The following DGKI variants were observed in gnomAD, a reference collection of about 807,000 sequenced individuals.
DGKI encodes diacylglycerol kinase iota.
Under a neutral mutation model 147.5 loss-of-function variants are expected in DGKI, and 55 were observed. The observed-to-expected ratio is 0.37, with a 90% CI of 0.30 to 0.47. DGKI has a LOEUF of 0.47. DGKI is among the 20% of genes least tolerant of loss of function. The probability of loss-of-function intolerance (pLI) is 1.00; values close to 1 mark genes in which losing one functional copy is unlikely to be tolerated. For missense variants in DGKI, 1,007 were observed against 1,323.8 expected, an observed-to-expected ratio of 0.76 and a Z score of 3.71; for synonymous variants, 469 against 477.1, an observed-to-expected ratio of 0.98 and a Z score of 0.22.
At chr7:137,547,190 AC>A (rs537844136) in intron 20 of DGKI, among the ~76,000 whole-genome samples, 78 of 152,304 alleles carry the variant, frequency 5.1e-4, no homozygotes, top group African/African-American at 1.8e-3. Flanking sequence ...TCTGCTTATT[AC>A]TTTTTGTGGG....
At chr7:137,512,667 C>T (rs1816617861) in intron 21 of DGKI, among the ~76,000 whole-genome samples, 2 of 152,244 alleles carry the variant, frequency 1.3e-5, no homozygotes, top group South Asian at 4.1e-4. Flanking sequence ...GCTCTCATTG[C>T]CAAAGGCTAA....
At chr7:137,564,365 T>G (rs1257655577) in intron 19 of DGKI, among the ~76,000 whole-genome samples, 1 of 152,092 alleles carries the variant, frequency 6.6e-6, no homozygotes, top group Non-Finnish European at 1.5e-5. Context: ...TAATACAAAT[T>G]AAGCCTTTTT....
intron 21 of DGKI, among the ~76,000 whole-genome samples, chr7:137,508,159 G>A (rs1024080223): frequency 5.9e-4 from 88 of 148,494 alleles, no homozygotes; most frequent in African/African-American, 2.2e-3. Flanking sequence ...GGTTCCAGAT[G>A]TATACTGACC....
At chr7:137,648,328 A>T (rs185009057) in intron 5 of DGKI, among the ~76,000 whole-genome samples, 6 of 152,348 alleles carry the variant, frequency 3.9e-5, no homozygotes, top group Non-Finnish European at 4.4e-5. Flanking sequence ...TGGCTGACTC[A>T]TGGGATCATT....
At chr7:137,609,278 A>T (rs1353740572) in intron 9 of DGKI, among the ~76,000 whole-genome samples, 1 of 152,162 alleles carries the variant, frequency 6.6e-6, no homozygotes, top group Non-Finnish European at 1.5e-5. Context: ...GTAAACTCCA[A>T]ATATTCCAGA....
At chr7:137,602,991 G>C (rs191122074) in intron 10 of DGKI, among the ~76,000 whole-genome samples, 1 of 152,082 alleles carries the variant, frequency 6.6e-6, no homozygotes, top group Non-Finnish European at 1.5e-5. Context: ...TATAAGAATG[G>C]GTATTCCTAA....
chr7:137,802,513 T>A (rs935765306), intron 1 of DGKI, among the ~76,000 whole-genome samples: 1 of 152,228 alleles, frequency 6.6e-6, no homozygotes, highest in Non-Finnish European at 1.5e-5. Flanking sequence ...CCTCTATTTG[T>A]GACATTATAA....
chr7:137,412,492 T>C (rs867713396), intron 28 of DGKI, among the ~76,000 whole-genome samples: 4 of 152,186 alleles, frequency 2.6e-5, no homozygotes, highest in Admixed American at 2.6e-4. Context: ...TCAACTCTGA[T>C]ACTTTAAGCA....
chr7:137,805,630 C>A (rs1585515211), intron 1 of DGKI, among the ~76,000 whole-genome samples: 1 of 152,340 alleles, frequency 6.6e-6, no homozygotes, highest in Non-Finnish European at 1.5e-5. Flanking sequence ...GAATATAAAA[C>A]CCTGCCATAT....
Position 137,465,858 on chromosome 7 carries a change from A to G in DGKI, c.2612+50T>C, listed in dbSNP as rs200926720. 3 of 1,585,556 alleles carry G rather than the reference A, an allele frequency of 1.9e-6. No homozygotes were observed. The East Asian group carries it at 6.7e-5, about 36-fold the overall frequency. ...TGTCAAGTTCAAAGGCGAACCAGAC[A>G]TGGATGTCACCCTAAGGCCAGCCTC... On this transcript the variant is annotated intron_variant, in intron 26 of 32. Coordinates refer to ENST00000614521, the MANE Select transcript of DGKI (RefSeq NM_001321708.2).
chr7:137,431,544 A>G (rs1813072341), intron 28 of DGKI, among the ~76,000 whole-genome samples: 1 of 152,156 alleles, frequency 6.6e-6, no homozygotes. Flanking sequence ...GGCAACAGAA[A>G]CTCCATTTGT....
rs1445293278 is a variant in DGKI at position 137,436,698 on chromosome 7, G to T, written c.2761+7379C>A. Among the ~76,000 whole-genome samples the T allele has an allele frequency of 2.6e-5, 4 of 152,156 alleles. No individual in the cohort carries two copies. In the East Asian group the frequency reaches 7.7e-4, roughly 29 times the overall value. ...AATATCATATACATACTACATAATA[G>T]AAAGCAAAATTAAAGACTAATCACA... On this transcript the variant is annotated intron_variant, in intron 28 of 32. Coordinates refer to ENST00000614521, the MANE Select transcript of DGKI (RefSeq NM_001321708.2).
chr7:137,507,771 C>T (rs890679620), intron 21 of DGKI, among the ~76,000 whole-genome samples: 3 of 152,070 alleles, frequency 2.0e-5, no homozygotes, highest in Admixed American at 6.6e-5. Flanking sequence ...GAGGGGAGTA[C>T]ATGAAAACAT....
intron 8 of DGKI, among the ~76,000 whole-genome samples, chr7:137,617,347 A>T (rs138963208): frequency 6.6e-6 from 1 of 152,092 alleles, no homozygotes; most frequent in Non-Finnish European, 1.5e-5. Flanking sequence ...TTCTATACTA[A>T]GGGAAGCTTA....
chr7:137,729,637 T>G (rs1794811118), intron 1 of DGKI, among the ~76,000 whole-genome samples: 1 of 152,092 alleles, frequency 6.6e-6, no homozygotes, highest in Non-Finnish European at 1.5e-5. Context: ...CTGGATCCAC[T>G]ATAATTTGAC....
chr7:137,421,181 G>T lies in DGKI; in HGVS notation c.2762-8974C>A, dbSNP rs370350802. Among the ~76,000 whole-genome samples the T allele has an allele frequency of 5.9e-5, 9 of 152,240 alleles. No individual in the cohort carries two copies. The East Asian group carries it at 9.7e-4, about 16-fold the overall frequency. ...CTCCACTGCTGAAACATGGTGCAGA[G>T]CACACATCTCACATGGCTACCTTCT... is the stretch of plus-strand genomic sequence containing the variant. On this transcript the variant is annotated intron_variant, in intron 28 of 32. Transcript: ENST00000614521.
At chr7:137,472,304 G>A (rs55848309) in intron 23 of DGKI, among the ~76,000 whole-genome samples, 144 of 1,560 alleles carry the variant, frequency 0.092, 8 homozygotes, top group African/African-American at 0.16. Context: ...GTATATTTAT[G>A]TGTATATACA....
intron 6 of DGKI, among the ~76,000 whole-genome samples, chr7:137,642,976 G>A (rs1051189778): frequency 4.0e-5 from 6 of 149,504 alleles, no homozygotes; most frequent in Admixed American, 1.3e-4. Flanking sequence ...GTGTGTATGG[G>A]GGATGGAGTG....
intron 1 of DGKI, among the ~76,000 whole-genome samples, chr7:137,706,462 A>G (rs1794026265): frequency 6.6e-6 from 1 of 150,536 alleles, no homozygotes; most frequent in Non-Finnish European, 1.5e-5. Context: ...TGGTATACTG[A>G]AGTACCAAAA....
Sources: allele counts gnomAD v4.1 joint callset (sites outside exome capture counted in the v4.1 genomes callset), GRCh38; gene constraint gnomAD v4.1.1; transcripts MANE v1.5; gene names NCBI Gene and HGNC (gene_info 2026-07-23, HGNC 2026-07-21).